MYO16: variants seen among roughly 807,000 people sequenced by gnomAD.
MYO16 encodes myosin XVI.
A neutral mutation model predicts 205.3 loss-of-function variants in MYO16; 94 were observed. That is an observed-to-expected ratio of 0.46 (90% CI 0.39 to 0.54). The LOEUF is 0.54. Among genes scored for constraint, MYO16 ranks in the 20% least tolerant of loss-of-function variants. The pLI, the probability that MYO16 is intolerant of heterozygous loss-of-function variation, is 0.00. For synonymous variants in MYO16, 988 were observed against 954.0 expected (o/e 1.04, Z -0.66); for missense variants, 2,315 against 2,387.5 (o/e 0.97, Z 0.63).
At chr13:109,111,041 C>T (rs1019668236) in intron 28 of MYO16, among the ~76,000 whole-genome samples, 11 of 151,834 alleles carry the variant, frequency 7.2e-5, no homozygotes, top group South Asian at 2.1e-4. Context: ...GGTAGGATGA[C>T]GGATGAACAA....
At chr13:109,169,324 A>G (rs1289439028) in intron 33 of MYO16, among the ~76,000 whole-genome samples, 1 of 152,228 alleles carries the variant, frequency 6.6e-6, no homozygotes, top group Non-Finnish European at 1.5e-5. Context: ...GGAAGGAAAG[A>G]TATGATAGTG....
At chr13:109,130,927 G>C (rs960642594) in intron 31 of MYO16, among the ~76,000 whole-genome samples, 8 of 152,116 alleles carry the variant, frequency 5.3e-5, no homozygotes, top group African/African-American at 1.7e-4. Context: ...CAAGTACTCA[G>C]TAGCCACAGG....
intron 27 of MYO16, among the ~76,000 whole-genome samples, chr13:109,064,315 G>A (rs781631148): frequency 1.3e-5 from 2 of 152,138 alleles, no homozygotes; most frequent in Non-Finnish European, 2.9e-5. Context: ...CCAGCAAGAG[G>A]CTGGTCACCC....
At chr13:109,134,638 G>T (rs971994487) in intron 31 of MYO16, among the ~76,000 whole-genome samples, 1 of 152,186 alleles carries the variant, frequency 6.6e-6, no homozygotes, top group Non-Finnish European at 1.5e-5. Context: ...CAGCTTCAGG[G>T]TATCCAACTT....
At chr13:108,628,153 C>T (rs1879819005), upstream of MYO16, among the ~76,000 whole-genome samples, 1 of 152,060 alleles carries the variant, frequency 6.6e-6, no homozygotes, top group African/African-American at 2.4e-5. Context: ...TTATAGATTC[C>T]TGGTATATAA....
At chr13:108,664,861 G>T (rs1329740764) in intron 1 of MYO16, among the ~76,000 whole-genome samples, 3 of 152,180 alleles carry the variant, frequency 2.0e-5, no homozygotes, top group Middle Eastern at 3.4e-3. Context: ...AAACAAGGGG[G>T]ATATTTTAAG....
At chr13:108,653,033 A>T (rs61344620) in intron 1 of MYO16, among the ~76,000 whole-genome samples, 1,926 of 152,288 alleles carry the variant, frequency 0.013, 51 homozygotes, top group African/African-American at 0.044. Flanking sequence ...ATTTCTCTAC[A>T]TCCTCACCAA....
chr13:108,973,954 A>AT (rs1884154701), intron 20 of MYO16, among the ~76,000 whole-genome samples: 1 of 151,968 alleles, frequency 6.6e-6, no homozygotes, highest in Non-Finnish European at 1.5e-5. Flanking sequence ...AAAAAAAAAA[A>AT]CTCCCAGTGG....
At chr13:109,195,280 C>A (rs1880105442) in intron 34 of MYO16, among the ~76,000 whole-genome samples, 1 of 151,912 alleles carries the variant, frequency 6.6e-6, no homozygotes, top group African/African-American at 2.4e-5. Context: ...TTGTTTAAAC[C>A]TTAAGCAACA....
chr13:108,959,638 G>C (rs1883506658), intron 17 of MYO16, among the ~76,000 whole-genome samples: 1 of 152,132 alleles, frequency 6.6e-6, no homozygotes, highest in Non-Finnish European at 1.5e-5. Flanking sequence ...TTCAAAGGAA[G>C]GTATTTCTGG....
intron 13 of MYO16, chr13:108,886,422 G>T: frequency 2.2e-6 from 1 of 456,210 alleles, no homozygotes; most frequent in South Asian, 1.5e-5. Context: ...CCAGGTTCTT[G>T]CCTCACGACC....
intron 27 of MYO16, among the ~76,000 whole-genome samples, chr13:109,062,060 C>T (rs968497678): frequency 1.3e-5 from 2 of 151,478 alleles, no homozygotes; most frequent in South Asian, 2.1e-4. Flanking sequence ...GCTCTATTTC[C>T]CCAGAAGAGA....
intron 1 of MYO16, among the ~76,000 whole-genome samples, chr13:108,654,865 G>A (rs1292663127): frequency 1.3e-5 from 2 of 152,190 alleles, no homozygotes; most frequent in Non-Finnish European, 2.9e-5. Context: ...CTAGAGAATT[G>A]TGGAACTTTG....
chr13:108,602,113 A>C (rs1201738326), intron 1 of MYO16, among the ~76,000 whole-genome samples: 1 of 151,594 alleles, frequency 6.6e-6, no homozygotes. Context: ...AAAAAAAAAA[A>C]AAAAAAAAAC....
intron 16 of MYO16, among the ~76,000 whole-genome samples, chr13:108,937,036 G>A (rs1882520644): frequency 6.6e-6 from 1 of 152,096 alleles, no homozygotes; most frequent in Non-Finnish European, 1.5e-5. Context: ...TATAAGGCTG[G>A]CCTATGTGTA....
chr13:108,735,928 G>A (rs544932564), intron 4 of MYO16, among the ~76,000 whole-genome samples: 42 of 152,310 alleles, frequency 2.8e-4, no homozygotes, highest in Non-Finnish European at 5.1e-4. Context: ...TCTGTTAGCT[G>A]CATAAATGTC....
chr13:108,559,183 G>A, the MYO16 span, among the ~76,000 whole-genome samples: 1 of 152,106 alleles, frequency 6.6e-6, no homozygotes, highest in African/African-American at 2.4e-5. Flanking sequence ...GTCCCTACCA[G>A]AAGAGACACA....
chr13:109,029,492 T>G (rs1229587857), intron 23 of MYO16, among the ~76,000 whole-genome samples: 1 of 152,150 alleles, frequency 6.6e-6, no homozygotes, highest in Non-Finnish European at 1.5e-5. Context: ...GGACACATTG[T>G]ACCCAAGAAG....
chr13:108,717,218 T>G (rs1883978897), intron 3 of MYO16, among the ~76,000 whole-genome samples: 1 of 152,204 alleles, frequency 6.6e-6, no homozygotes, highest in Non-Finnish European at 1.5e-5. Context: ...CACCTCAGAC[T>G]ATAGCCAAGC....
Sources: gnomAD v4.1 joint callset for allele counts (sites outside exome capture counted in the v4.1 genomes callset) on GRCh38, gnomAD v4.1.1 for gene constraint, MANE v1.5 for transcripts, NCBI Gene and HGNC (gene_info 2026-07-23, HGNC 2026-07-21) for gene names.